SUN1: variants seen among roughly 807,000 people sequenced by gnomAD.
SUN1 encodes the protein Sad1 and UNC84 domain containing 1, also known as SUN domain-containing protein 1.
SUN1 carries 61 observed loss-of-function variants against 103.2 expected under a neutral mutation model. That is an observed-to-expected ratio of 0.59 (90% CI 0.48 to 0.73). The LOEUF (loss-of-function observed/expected upper bound fraction) is 0.73. Among genes scored for constraint, SUN1 ranks in the 30% least tolerant of loss-of-function variants. The pLI is 0.00. For synonymous variants in SUN1, 490 were observed against 425.7 expected, an observed-to-expected ratio of 1.15 and a Z score of -1.86; for missense variants, 1,052 against 1,034.6, an observed-to-expected ratio of 1.02 and a Z score of -0.23.
At chr7:829,665 C>G (rs1250233546), upstream of SUN1, among the ~76,000 whole-genome samples, 1 of 152,020 alleles carries the variant, frequency 6.6e-6, no homozygotes, top group Non-Finnish European at 1.5e-5. Context: ...TGCCATTCTC[C>G]TGCCTCAGCC....
chr7:824,992 T>C (rs373206314), intron 1 of SUN1, among the ~76,000 whole-genome samples: 11 of 152,182 alleles, frequency 7.2e-5, no homozygotes, highest in African/African-American at 2.7e-4. Flanking sequence ...CCCAGAGGAC[T>C]GTCTGCCTGT....
chr7:816,243 T>C (rs151036899), upstream of SUN1: 1,197 of 23,520 alleles, frequency 0.051, 7 homozygotes, highest in East Asian at 0.11. Flanking sequence ...CAGGTGCAGA[T>C]CCCTCCCCCA....
intron 5 of SUN1, chr7:848,406 GT>G: frequency 1.5e-6 from 2 of 1,349,610 alleles, no homozygotes; most frequent in South Asian, 2.4e-5. Flanking sequence ...CATGTTCATG[GT>G]TTTTTAATAG....
chr7:840,635 TATTC>T (rs1808602363), intron 2 of SUN1, among the ~76,000 whole-genome samples: 1 of 125,124 alleles, frequency 8.0e-6, no homozygotes, highest in Non-Finnish European at 1.6e-5. Flanking sequence ...TTTGACCATC[TATTC>T]TTTTTTTTTT....
At position 852,837 on chromosome 7, in the gene SUN1, A is replaced by G. The variant is rs774636827; in HGVS notation, c.938A>G (p.Asn313Ser). 9.3e-6 allele frequency: 15 copies of G among 1,613,506 alleles called. No individual in the cohort carries two copies. Among genetic ancestry groups the G allele is most frequent in the Middle Eastern group, 1.6e-4 (1 of 6,082 alleles). ...LAGLSLRGQG[N>S]FFSFLPVLNW... ...GGTCTCTCCTTACGGGGCCAGGGCA[A>G]TTTCTTTTCGTTCTTGCCCGTGTTG... The change falls in exon 9 of 19, where the codon AAT (asparagine) becomes AGT (serine). Residue 313 changes from asparagine (N) to serine (S), a missense_variant. Asn to Ser is a conservative substitution (Grantham distance 46, BLOSUM62 1). Around this residue, in one of 2 missense-constraint regions of SUN1, gnomAD observed 846 missense variants for 774.5 expected, o/e 1.09. Transcript: ENST00000401592.
At chr7:826,179 A>G (rs574036927) in intron 1 of SUN1, among the ~76,000 whole-genome samples, 4 of 151,684 alleles carry the variant, frequency 2.6e-5, no homozygotes, top group South Asian at 2.1e-4. Flanking sequence ...GTGAGCTGTG[A>G]TCACGCCCCT....
chr7:852,999 C>A, intron 9 of SUN1, 47 bp downstream of exon 9: 1 of 1,569,518 alleles, frequency 6.4e-7, no homozygotes, highest in Non-Finnish European at 8.6e-7. Context: ...CATGTGAGGT[C>A]TTCAGGGACG....
exon 1 of SUN1, chr7:816,618 G>C: frequency 2.6e-6 from 1 of 389,494 alleles, no homozygotes; most frequent in Non-Finnish European, 5.0e-6. Flanking sequence ...CGTGGGCAGA[G>C]CGTCTTCTCG....
intron 1 of SUN1, chr7:817,587 T>A: frequency 6.8e-7 from 1 of 1,459,930 alleles, no homozygotes; most frequent in Non-Finnish European, 9.2e-7. Flanking sequence ...AAGCTGCCCA[T>A]AATTGTGTCT....
intron 16 of SUN1, among the ~76,000 whole-genome samples, chr7:867,238 G>A (rs1196197888): frequency 2.0e-5 from 3 of 152,252 alleles, no homozygotes; most frequent in Non-Finnish European, 4.4e-5. Flanking sequence ...CACAGCCGGA[G>A]CCCCTCCTCA....
intron 5 of SUN1, chr7:843,908 G>T: frequency 5.1e-6 from 6 of 1,166,890 alleles, no homozygotes; most frequent in Non-Finnish European, 6.4e-6. Context: ...GTGAAGAGTG[G>T]TTATGCCAGT....
intron 1 of SUN1, among the ~76,000 whole-genome samples, chr7:836,846 G>T (rs1290615592): frequency 6.6e-6 from 1 of 152,254 alleles, no homozygotes; most frequent in Non-Finnish European, 1.5e-5. Flanking sequence ...CAAGGAGGAG[G>T]CAGTTTTCTG....
intron 17 of SUN1, among the ~76,000 whole-genome samples, chr7:872,059 T>C (rs1360851294): frequency 6.6e-6 from 1 of 152,204 alleles, no homozygotes. Flanking sequence ...AAAGTCGGTC[T>C]TCTGTGGCCC....
intron 2 of SUN1, 178 bp downstream of exon 2, chr7:839,164 T>A: frequency 1.8e-6 from 1 of 542,706 alleles, no homozygotes; most frequent in Non-Finnish European, 3.0e-6. Flanking sequence ...AAATAAAGAC[T>A]GAAAGGAACT....
At position 851,341 on chromosome 7, in the gene SUN1, T is replaced by C. The variant is rs7792674; in HGVS notation, c.659-43T>C. The C allele has an allele frequency of 0.44, 674,173 of 1,522,934 alleles. 150,879 individuals are homozygous for C. The highest frequency in any genetic ancestry group is 0.61 in the East Asian group (24,909 of 40,718). 94.3% of individuals were successfully genotyped at this position (1,522,934 alleles called of 1,614,324 possible). On this transcript the variant is annotated intron_variant, in intron 5 of 18. Transcript: ENST00000401592. ...ACCGTGCTGTCACTGCAGAGGCTGG[T>C]CCCTGGCGTCTGTCTGAGGCCACAC...
intron 5 of SUN1, among the ~76,000 whole-genome samples, chr7:846,882 C>G (rs1032443577): frequency 6.6e-6 from 1 of 152,048 alleles, no homozygotes; most frequent in Non-Finnish European, 1.5e-5. Context: ...GGCATGGTGG[C>G]CAGCGCCTGT....
At chr7:834,077 C>A (rs1372082545) in intron 1 of SUN1, among the ~76,000 whole-genome samples, 1 of 148,930 alleles carries the variant, frequency 6.7e-6, no homozygotes, top group Non-Finnish European at 1.5e-5. Flanking sequence ...TGGTTGTAGG[C>A]TGGGCTGGGA....
At chr7:853,114 A>G in intron 9 of SUN1, 162 bp downstream of exon 9, 1 of 961,636 alleles carries the variant, frequency 1.0e-6, no homozygotes, top group Non-Finnish European at 1.5e-6. Flanking sequence ...GTGTTCTAGG[A>G]TAGTTCAAAT....
In SUN1 at chr7:873,441, T is replaced by A; in HGVS notation, c.*110T>A. 1 of 1,075,378 alleles carries A rather than the reference T, an allele frequency of 9.3e-7. No homozygotes were observed. The highest frequency in any genetic ancestry group is 1.4e-6 in the Non-Finnish European group (1 of 729,024). The allele number at this position is 1,075,378 out of a possible 1,614,324, so 66.6% of individuals were successfully genotyped here. ...CAATGATGGGACAGTGCCACACTCCTTCAATAAACGTGGCTGCTGGCCAGA... is the reference window on the plus strand; with the variant it reads ...CAATGATGGGACAGTGCCACACTCCATCAATAAACGTGGCTGCTGGCCAGA... On this transcript the variant is annotated 3_prime_UTR_variant, in exon 19 of 19. Transcript: ENST00000401592.
Sources: allele counts gnomAD v4.1 joint callset (sites outside exome capture counted in the v4.1 genomes callset), GRCh38; gene constraint gnomAD v4.1.1; regional missense constraint gnomAD v4.1.1; transcripts MANE v1.5; gene names NCBI Gene and HGNC (gene_info 2026-07-23, HGNC 2026-07-21).